The following PCDHGA8 variants were observed in gnomAD, a reference collection of about 807,000 sequenced individuals.
PCDHGA8 encodes protocadherin gamma subfamily A, 8.
Under a neutral mutation model 59.2 loss-of-function variants are expected in PCDHGA8, and 45 were observed. That is an observed-to-expected ratio of 0.76 (90% confidence interval 0.60 to 0.98). The LOEUF is 0.98. PCDHGA8 is among the 50% of genes least tolerant of loss of function. The probability of loss-of-function intolerance (pLI) is 0.00; values close to 1 mark genes in which losing one functional copy is unlikely to be tolerated. For synonymous variants in PCDHGA8, 531 were observed against 519.0 expected (o/e 1.02, Z -0.32); for missense variants, 1,257 against 1,196.2 (o/e 1.05, Z -0.75).
chr5:141,403,577 C>A (rs1188693688), intron 1 of PCDHGA8: 5 of 1,613,812 alleles, frequency 3.1e-6, no homozygotes, highest in Non-Finnish European at 3.4e-6. Context: ...AACTGCCCAC[C>A]ACCTGGTCCT....
At chr5:141,484,790 A>T (rs1562101198) in intron 1 of PCDHGA8, among the ~76,000 whole-genome samples, 1 of 152,076 alleles carries the variant, frequency 6.6e-6, no homozygotes, top group Admixed American at 6.6e-5. Flanking sequence ...CACAGAGATA[A>T]CAACCCGTGG....
Position 141,427,970 on chromosome 5 carries a change from C to A in PCDHGA8, c.2424+32733C>A, listed in dbSNP as rs760792774. On this transcript the variant is annotated intron_variant, in intron 1 of 3. Coordinates refer to ENST00000398604, the MANE Select transcript of PCDHGA8 (RefSeq NM_032088.2). ...ATGACAATGTGCCGCGGGTGCTGTA[C>A]CCCGCGCTGGGGCCCGATGGCTCCG... 1.9e-6 allele frequency: 3 copies of A among 1,592,510 alleles called. No individual in the cohort carries two copies. The Admixed American group carries it at 5.0e-5, about 27-fold the overall frequency.
chr5:141,399,525 C>T (rs1170362164), intron 1 of PCDHGA8: 1 of 1,614,058 alleles, frequency 6.2e-7, no homozygotes, highest in East Asian at 2.2e-5. Flanking sequence ...CTGGGGCCTC[C>T]ATCGCGCAAG....
chr5:141,488,428 C>A (rs1234461104), intron 1 of PCDHGA8, among the ~76,000 whole-genome samples: 1 of 152,186 alleles, frequency 6.6e-6, no homozygotes, highest in Non-Finnish European at 1.5e-5. Context: ...CATGCTTGGC[C>A]TCTGACCACC....
chr5:141,477,747 C>A lies in PCDHGA8; in HGVS notation c.2425-17060C>A. ...ACAGCTCATATCAGCGATGGGGGCA[C>A]CCCGGTCCTAGCCACCAACATCAGC... On this transcript the variant is annotated intron_variant, in intron 1 of 3. Coordinates refer to ENST00000398604, the MANE Select transcript of PCDHGA8 (RefSeq NM_032088.2). The surrounding 1 kb of genome is among the most constrained non-coding windows in gnomAD (Gnocchi z 4.9). 1.9e-6 allele frequency: 3 copies of A among 1,613,840 alleles called. No individual in the cohort carries two copies. The highest frequency in any genetic ancestry group is 2.5e-6 in the Non-Finnish European group (3 of 1,180,044).
chr5:141,471,635 A>G (rs1477641248), intron 1 of PCDHGA8: 1 of 152,224 alleles, frequency 6.6e-6, no homozygotes, highest in Non-Finnish European at 1.5e-5. Context: ...GGTATGGATT[A>G]GTAATATACT....
intron 1 of PCDHGA8, chr5:141,426,194 T>C (rs1482565872): frequency 6.4e-6 from 1 of 155,380 alleles, no homozygotes; most frequent in Non-Finnish European, 1.4e-5. Context: ...ACTGGGAGCA[T>C]TGAGTTTTCT....
intron 1 of PCDHGA8, among the ~76,000 whole-genome samples, chr5:141,447,123 T>G (rs1004463863): frequency 1.3e-5 from 2 of 152,160 alleles, no homozygotes; most frequent in Non-Finnish European, 2.9e-5. Flanking sequence ...CCATGGATTT[T>G]TTTGTTTGTT....
At chr5:141,427,856 C>T (rs1487451079) in intron 1 of PCDHGA8, 6 of 1,553,060 alleles carry the variant, frequency 3.9e-6, no homozygotes, top group Non-Finnish European at 5.3e-6. Flanking sequence ...AGCAGCTGTG[C>T]GCCTTCGAGC....
chr5:141,455,627 A>G (rs1426625737), intron 1 of PCDHGA8, among the ~76,000 whole-genome samples: 2 of 152,104 alleles, frequency 1.3e-5, no homozygotes, highest in East Asian at 3.9e-4. Context: ...ACACGTGGAG[A>G]TATGTGGGGG....
At chr5:141,450,817 A>T (rs1302552522) in intron 1 of PCDHGA8, among the ~76,000 whole-genome samples, 1 of 137,468 alleles carries the variant, frequency 7.3e-6, no homozygotes, top group Non-Finnish European at 1.5e-5. Context: ...TTTATTTAAT[A>T]TTATTATTAT....
chr5:141,489,610 C>G lies in PCDHGA8; in HGVS notation c.2425-5197C>G, dbSNP rs142775705. 3,083 of 1,614,088 alleles carry G rather than the reference C, an allele frequency of 1.9e-3. 6 individuals are homozygous for G. Among genetic ancestry groups the G allele is most frequent in the Non-Finnish European group, 2.4e-3 (2,793 of 1,179,988 alleles). ...GCTAATCCGTGTAGAGGTAGAGATC[C>G]TGGATCTCAATGACAACTCTCCTAG... On this transcript the variant is annotated intron_variant, in intron 1 of 3. Transcript: ENST00000398604. The surrounding 1 kb of genome is among the most constrained non-coding windows in gnomAD (Gnocchi z 4.5).
intron 1 of PCDHGA8, among the ~76,000 whole-genome samples, chr5:141,457,067 G>A (rs946526462): frequency 1.3e-5 from 2 of 152,166 alleles, no homozygotes; most frequent in Non-Finnish European, 2.9e-5. Flanking sequence ...CTTTTTGCCA[G>A]TAACTATTAT....
chr5:141,415,161 C>T (rs1391561235), intron 1 of PCDHGA8: 1 of 1,613,864 alleles, frequency 6.2e-7, no homozygotes, highest in Admixed American at 1.7e-5. Context: ...CCGCCACTGT[C>T]ACGCTCACCG....
At chr5:141,436,959 G>A (rs1385958934) in intron 1 of PCDHGA8, among the ~76,000 whole-genome samples, 1 of 152,120 alleles carries the variant, frequency 6.6e-6, no homozygotes, top group Non-Finnish European at 1.5e-5. Context: ...TCTAAACAAG[G>A]ATCTTGTGAA....
intron 1 of PCDHGA8, chr5:141,399,478 G>T (rs367753385): frequency 2.0e-5 from 32 of 1,613,894 alleles, no homozygotes; most frequent in Non-Finnish European, 2.6e-5. Context: ...TTTCCACCAG[G>T]CGTCCTACTT....
intron 1 of PCDHGA8, among the ~76,000 whole-genome samples, chr5:141,460,961 A>ATATGTGTGTGTG (rs1463306338): frequency 4.1e-5 from 6 of 144,616 alleles, no homozygotes; most frequent in Admixed American, 1.4e-4. Flanking sequence ...GTATATATAT[A>ATATGTGTGTGTG]TGTGTGTGTG....
Position 141,431,334 on chromosome 5 carries a change from C to G in PCDHGA8, c.2424+36097C>G, listed in dbSNP as rs775651426. ...AATGGAGCCGACGGTAGTAAGTACC[C>G]CGAATTGGTGCTGAAACGCGCCCTG... On this transcript the variant is annotated intron_variant, in intron 1 of 3. Transcript: ENST00000398604. This position sits in a 1 kb window ranked among gnomAD's most constrained non-coding sequence, Gnocchi z 4.8. 1.9e-6 allele frequency: 3 copies of G among 1,614,118 alleles called. No individual in the cohort carries two copies. The South Asian group carries it at 3.3e-5, about 18-fold the overall frequency.
chr5:141,428,729 ATAT>A (rs2097158318), intron 1 of PCDHGA8: 2 of 159,768 alleles, frequency 1.3e-5, no homozygotes. Flanking sequence ...AATCTTAAAC[ATAT>A]TATATCTACT....
Sources: gnomAD v4.1 joint callset for allele counts (sites outside exome capture counted in the v4.1 genomes callset) on GRCh38, gnomAD v4.1.1 for gene constraint, Gnocchi (gnomAD v3.1) non-coding constraint, MANE v1.5 for transcripts, NCBI Gene and HGNC (gene_info 2026-07-23, HGNC 2026-07-21) for gene names.